The following INF2 variants were observed in gnomAD, a reference collection of about 807,000 sequenced individuals.
INF2 encodes the protein inverted formin 2.
A neutral mutation model predicts 123.5 loss-of-function variants in INF2; 43 were observed. The ratio of observed to expected loss-of-function variants is 0.35; its 90% confidence interval spans 0.27 to 0.45. INF2 has a LOEUF of 0.45. Ranked by LOEUF, INF2 falls within the 20% of genes least tolerant of loss-of-function variation. The pLI is 1.00. For missense variants in INF2, 1,453 were observed against 1,682.7 expected (o/e 0.86, Z 2.39); for synonymous variants, 851 against 745.0 (o/e 1.14, Z -2.32).
At position 104,711,205 on chromosome 14, in the gene INF2, G is replaced by A. The variant is rs770701500; in HGVS notation, c.2418+19G>A. 202 of 1,542,136 alleles carry A rather than the reference G, an allele frequency of 1.3e-4. No individual in the cohort carries two copies. The highest frequency in any genetic ancestry group is 1.6e-4 in the Non-Finnish European group (186 of 1,140,722). On this transcript the variant is annotated intron_variant, in intron 15 of 22. Transcript: ENST00000392634. Reference sequence around the variant, plus strand: ...GCTGGAGGTGGGCCGTGGTGGCGGGGGCATAATGGGAGGGCTTCAAGTCCC... The same window carrying A: ...GCTGGAGGTGGGCCGTGGTGGCGGGAGCATAATGGGAGGGCTTCAAGTCCC...
chr14:104,688,373 C>G (rs1488305881), upstream of INF2, among the ~76,000 whole-genome samples: 1 of 152,198 alleles, frequency 6.6e-6, no homozygotes, highest in Non-Finnish European at 1.5e-5. Flanking sequence ...CACACCAAAG[C>G]CAAAGGACAC....
upstream of INF2, chr14:104,689,590 T>TGCCCCCCCCCCCCCCCCCCC: frequency 1.5e-6 from 1 of 646,936 alleles, no homozygotes; most frequent in Non-Finnish European, 1.9e-6. Context: ...CTCCTCTTCC[T>TGCCCCCCCCCCCCCCCCCCC]CCCGCCCGCC....
At chr14:104,704,712 T>A (rs1889693317) in intron 5 of INF2, 1 of 152,718 alleles carries the variant, frequency 6.5e-6, no homozygotes, top group African/African-American at 2.4e-5. Flanking sequence ...TGGGGACCAC[T>A]GCCCTAGAAG....
At chr14:104,700,523 C>T (rs913741918) in intron 1 of INF2, among the ~76,000 whole-genome samples, 1 of 152,152 alleles carries the variant, frequency 6.6e-6, no homozygotes, top group Non-Finnish European at 1.5e-5. Context: ...GGCCAGTTCC[C>T]AGGGTCTGTG....
Position 104,713,598 on chromosome 14 carries a change from C to T in INF2, c.3032C>T (p.Thr1011Ile). The change falls in exon 20 of 23, where the codon ACA (threonine) becomes ATA (isoleucine). Residue 1011 changes from threonine (T) to isoleucine (I), a missense_variant. Thr to Ile is a moderately conservative substitution (Grantham distance 89, BLOSUM62 -1). This residue lies in a region of INF2 where 344 missense variants were observed against 333.1 expected (regional missense o/e 1.03). Transcript: ENST00000392634. ...GCCTCCATGGATCCCCCAAGAGCCA[C>T]AGAGCCTGGTAAGACCCTCTCCCAC... is the stretch of plus-strand genomic sequence containing the variant. The part of the protein sequence containing the change: ...KAASMDPPRA[T>I]EPVATSNPAG... 6.2e-7 allele frequency: 1 copy of T among 1,612,568 alleles called. No individual in the cohort carries two copies. Among genetic ancestry groups the T allele is most frequent in the Non-Finnish European group, 8.5e-7 (1 of 1,179,762 alleles).
At chr14:104,706,296 C>T (rs1467970585) in intron 6 of INF2, 120 bp downstream of exon 6, 2 of 1,070,980 alleles carry the variant, frequency 1.9e-6, no homozygotes, top group Non-Finnish European at 2.6e-6. Flanking sequence ...TGACCTGGGC[C>T]ATGGTGCCAG....
Position 104,713,562 on chromosome 14 carries a change from G to T in INF2, c.2996G>T (p.Gly999Val). ...TARGRGDTDG[G>V]SKAASMDPPR... ...CGGGGCCGCGGGGACACCGACGGGG[G>T]CAGCAAGGCAGCCTCCATGGATCCC... The change falls in exon 20 of 23, where the codon GGC becomes GTC. Residue 999 changes from glycine to valine, a missense_variant. Transcript: ENST00000392634. 2 of 1,612,378 alleles carry T rather than the reference G, an allele frequency of 1.2e-6. No homozygotes were observed. Among genetic ancestry groups the T allele is most frequent in the Non-Finnish European group, 1.7e-6 (2 of 1,179,744 alleles).
rs775350079 is a variant in INF2 at position 104,714,863 on chromosome 14, CAG to C, written c.3694+8_3694+9del. On this transcript the variant is annotated splice_region_variant and intron_variant, in intron 21 of 22. Transcript: ENST00000392634. ...CCCTCCAGGAGCCAGGAAGGTAACT[CAG>C]GGAGGGGCCCCGGGCACCGTCCCAC... is the stretch of plus-strand genomic sequence containing the variant. The C allele has an allele frequency of 3.2e-6, 5 of 1,547,596 alleles. No individual in the cohort carries two copies. In the African/African-American group the frequency reaches 4.1e-5, roughly 13 times the overall value.
intron 15 of INF2, 111 bp downstream of exon 15, chr14:104,711,297 CCT>C: frequency 1.1e-5 from 10 of 949,242 alleles, no homozygotes; most frequent in Non-Finnish European, 1.5e-5. Flanking sequence ...CGCCGGTCTC[CCT>C]GTCTCAGGGC....
chr14:104,692,440 T>A (rs2140601434), intron 1 of INF2, among the ~76,000 whole-genome samples: 1 of 152,228 alleles, frequency 6.6e-6, no homozygotes, highest in East Asian at 1.9e-4. Context: ...AGGGTGCAAA[T>A]GGGCTGGCCC....
In INF2 at chr14:104,712,349, GGGGGTGCAGGGGA is replaced by G. The variant is rs1890092069; in HGVS notation, c.2490-79_2490-67del. 2.2e-5 allele frequency: 35 copies of G among 1,578,108 alleles called. No homozygotes were observed. In the South Asian group the frequency reaches 3.8e-4, roughly 17 times the overall value. On this transcript the variant is annotated intron_variant, in intron 16 of 22. Transcript: ENST00000392634. Reference sequence around the variant, plus strand: ...CTGCAGGGTGCACAGTGGGGTGCCGGGGGGTGCAGGGGAGGGGCTCCCCTGTCCCAGCGAGGCT... The same window carrying G: ...CTGCAGGGTGCACAGTGGGGTGCCGGGGGGCTCCCCTGTCCCAGCGAGGCT...
Position 104,707,644 on chromosome 14 carries a change from G to GC in INF2, c.1382dup (p.Pro462ThrfsTer24). 5.1e-6 allele frequency: 2 copies of GC among 394,366 alleles called. No homozygotes were observed. The highest frequency in any genetic ancestry group is 4.1e-5 in the Admixed American group (1 of 24,276). The allele number at this position is 394,366 out of a possible 1,614,324, so 24.4% of individuals were successfully genotyped here. A position where few individuals can be genotyped will look rare whatever the true frequency, so the allele number is the denominator to read the frequency against. ...CTAAGGCCCTCCCAACAGCACCCCC[G>GC]CCCCCACCCCTGCCAGGCCTGGGGG... On this transcript the variant is annotated frameshift_variant, in exon 8 of 23. Coordinates refer to ENST00000392634, the MANE Select transcript of INF2 (RefSeq NM_022489.4). LOFTEE classifies it high-confidence loss of function.
chr14:104,713,696 GC>G, intron 20 of INF2, 90 bp downstream of exon 20: 2 of 1,438,466 alleles, frequency 1.4e-6, no homozygotes, highest in South Asian at 2.6e-5. Flanking sequence ...TCACTGGAAA[GC>G]CCTCTCCTCT....
At position 104,711,073 on chromosome 14, in the gene INF2, TC is replaced by T; in HGVS notation, c.2311-3del. On this transcript the variant is annotated splice_region_variant and splice_polypyrimidine_tract_variant and intron_variant, in intron 14 of 22. Transcript: ENST00000392634. ...GCTGGTGAGACTCACTCCCTGCCCC[TC>T]CCAGGGCAGCCACACCGGTGACGCC... 9 of 1,601,624 alleles carry T rather than the reference TC, an allele frequency of 5.6e-6. No homozygotes were observed. Among genetic ancestry groups the T allele is most frequent in the Non-Finnish European group, 6.8e-6 (8 of 1,175,616 alleles).
At chr14:104,716,967 C>T (rs1056746873) in intron 22 of INF2, among the ~76,000 whole-genome samples, 33 of 152,248 alleles carry the variant, frequency 2.2e-4, no homozygotes, top group Non-Finnish European at 3.5e-4. Context: ...GCTGGGATTA[C>T]AGGCGTGAGC....
rs758122662 is a variant in INF2 at position 104,709,718 on chromosome 14, G to A, written c.2138+13G>A. The stretch of plus-strand genomic sequence containing the variant: ...TGGCCATTCCCTGGTGAGCATGGCC[G>A]CCCTCAGACCCCAGGGCCTGGGCCC... On this transcript the variant is annotated intron_variant, in intron 12 of 22. Coordinates refer to ENST00000392634, the MANE Select transcript of INF2 (RefSeq NM_022489.4). 20 of 1,608,706 alleles carry A rather than the reference G, an allele frequency of 1.2e-5. No homozygotes were observed. The highest frequency in any genetic ancestry group is 1.6e-4 in the Middle Eastern group (1 of 6,074).
chr14:104,715,776 G>A (rs1281683599), intron 22 of INF2: 3 of 481,166 alleles, frequency 6.2e-6, no homozygotes, highest in African/African-American at 5.9e-5. Context: ...GTTGGTGGAG[G>A]GCTATCTTCA....
upstream of INF2, among the ~76,000 whole-genome samples, chr14:104,686,683 G>A (rs894444346): frequency 6.6e-6 from 1 of 152,208 alleles, no homozygotes; most frequent in African/African-American, 2.4e-5. Flanking sequence ...AACTGATGAA[G>A]GAAATGAACC....
In INF2 at chr14:104,711,566, C is replaced by A. The variant is rs1344978353; in HGVS notation, c.2419-63C>A. ...AGGGTTAGAGCTGGGGGAGTGGGAA[C>A]AGGGTCATCCCCAGGTGGAGAGTAT... On this transcript the variant is annotated intron_variant, in intron 15 of 22. Transcript: ENST00000392634. 2.1e-6 allele frequency: 3 copies of A among 1,446,804 alleles called. No homozygotes were observed. The African/African-American group carries it at 4.2e-5, about 20-fold the overall frequency. 89.6% of individuals were successfully genotyped at this position (1,446,804 alleles called of 1,614,324 possible). A position where few individuals can be genotyped will look rare whatever the true frequency, so the allele number is the denominator to read the frequency against.
Sources: allele counts gnomAD v4.1 joint callset (sites outside exome capture counted in the v4.1 genomes callset), GRCh38; gene constraint gnomAD v4.1.1; regional missense constraint gnomAD v4.1.1; transcripts MANE v1.5; gene names NCBI Gene and HGNC (gene_info 2026-07-23, HGNC 2026-07-21).